The following HLTF variants were observed in gnomAD, a reference collection of about 807,000 sequenced individuals.
HLTF encodes the protein helicase like transcription factor, also known as DNA-dependent ATPase/E3 ubiquitin-protein ligase HLTF.
A neutral mutation model predicts 129.4 loss-of-function variants in HLTF; 127 were observed. The observed-to-expected ratio is 0.98, with a 90% CI of 0.85 to 1.14. HLTF has a LOEUF of 1.14. Ranked by LOEUF, HLTF falls within the 50% of genes most tolerant of loss-of-function variation. The probability of loss-of-function intolerance (pLI) is 0.00; values close to 1 mark genes in which losing one functional copy is unlikely to be tolerated. For synonymous variants in HLTF, 332 were observed against 388.8 expected, an observed-to-expected ratio of 0.85 and a Z score of 1.72; for missense variants, 1,139 against 1,187.1, an observed-to-expected ratio of 0.96 and a Z score of 0.60.
intron 2 of HLTF, chr3:149,083,826 G>A (rs1272233560): frequency 6.6e-6 from 1 of 151,812 alleles, no homozygotes; most frequent in Non-Finnish European, 1.5e-5. Context: ...GGCTGAATTG[G>A]GAGAATTGCT....
At chr3:149,060,963 T>C in intron 10 of HLTF, 105 bp from the exon 11 acceptor site, 2 of 751,834 alleles carry the variant, frequency 2.7e-6, no homozygotes, top group African/African-American at 1.8e-5. Flanking sequence ...CCTACTCATT[T>C]ATTTTTTGAA....
At chr3:149,079,871 G>C (rs190919697) in intron 2 of HLTF, among the ~76,000 whole-genome samples, 3 of 152,050 alleles carry the variant, frequency 2.0e-5, no homozygotes, top group African/African-American at 7.2e-5. Context: ...GATTACAGGC[G>C]TGAGCCACCA....
chr3:149,071,978 A>G (rs1718912142), intron 5 of HLTF, among the ~76,000 whole-genome samples: 1 of 152,132 alleles, frequency 6.6e-6, no homozygotes. Context: ...ACTTCAGCCT[A>G]GTAGGTAGAG....
intron 22 of HLTF, 45 bp from the exon 23 acceptor site, chr3:149,039,274 T>C (rs1306989931): frequency 8.4e-6 from 11 of 1,306,598 alleles, no homozygotes; most frequent in Non-Finnish European, 1.0e-5. Flanking sequence ...ACTATTATTA[T>C]AAAAATAAAA....
At chr3:149,043,544 A>AG (rs1553738372) in intron 18 of HLTF, among the ~76,000 whole-genome samples, 3,277 of 134,976 alleles carry the variant, frequency 0.024, 27 homozygotes, top group South Asian at 0.045. Flanking sequence ...TGAACTTCAG[A>AG]GGGAAAAAAA....
At position 149,032,294 on chromosome 3, in the gene HLTF, CA is replaced by C; in HGVS notation, c.2955del (p.Phe985LeufsTer11). The C allele has an allele frequency of 6.2e-7, 1 of 1,600,462 alleles. No homozygotes were observed. Among genetic ancestry groups the C allele is most frequent in the Non-Finnish European group, 8.5e-7 (1 of 1,173,182 alleles). ...TCGTCAGCATTTGGTTTTTTAGTTC[CA>C]AAGGCTCCTGCTGCAAGTTCTCTCT... is the stretch of plus-strand genomic sequence containing the variant. The part of the protein sequence containing the change: ...NKKRELAAGA[F>X]GTKKPNADEM... On this transcript the variant is annotated frameshift_variant, in exon 25 of 25. Transcript: ENST00000310053. LOFTEE classifies it high-confidence loss of function.
intron 3 of HLTF, among the ~76,000 whole-genome samples, chr3:149,074,832 T>C (rs1228687171): frequency 6.6e-6 from 1 of 152,194 alleles, no homozygotes; most frequent in Non-Finnish European, 1.5e-5. Flanking sequence ...CACCTAGGAT[T>C]ATATGAATAT....
At position 149,039,132 on chromosome 3, in the gene HLTF, G is replaced by A; in HGVS notation, c.2713C>T (p.Pro905Ser). The change falls in exon 23 of 25, where the codon CCA becomes TCA. Residue 905 changes from proline to serine, a missense_variant. Physicochemically the swap from Pro to Ser is moderately conservative, Grantham distance 74. Transcript: ENST00000310053. ...TTTAAGGACAGAAGCATTATAGTTG[G>A]AGATCCTGCTTCAGTGTTTTGAAAA... ...QCFQNTEAGSPTIMLLSLKAG... is the reference protein window; with the variant it reads ...QCFQNTEAGSSTIMLLSLKAG... 1 of 1,612,376 alleles carries A rather than the reference G, an allele frequency of 6.2e-7. No homozygotes were observed. Among genetic ancestry groups the A allele is most frequent in the Non-Finnish European group, 8.5e-7 (1 of 1,179,156 alleles).
chr3:149,040,356 G>T, intron 20 of HLTF, 200 bp from the exon 21 acceptor site: 1 of 482,182 alleles, frequency 2.1e-6, no homozygotes, highest in East Asian at 4.0e-5. Context: ...AACGGATAAA[G>T]GAGGGAGCAA....
intron 13 of HLTF, among the ~76,000 whole-genome samples, chr3:149,057,426 A>AAAACAAAC (rs538092577): frequency 6.6e-6 from 1 of 152,020 alleles, no homozygotes; most frequent in Non-Finnish European, 1.5e-5. Flanking sequence ...ACTCCGTCTC[A>AAAACAAAC]AAACAAACAA....
At chr3:149,070,214 G>A (rs187109097) in intron 7 of HLTF, among the ~76,000 whole-genome samples, 62 of 152,216 alleles carry the variant, frequency 4.1e-4, no homozygotes, top group Admixed American at 3.9e-3. Context: ...TATCTAAAAA[G>A]CTATTACAAT....
At chr3:149,068,972 C>A (rs947667119) in intron 7 of HLTF, among the ~76,000 whole-genome samples, 9 of 152,004 alleles carry the variant, frequency 5.9e-5, no homozygotes, top group African/African-American at 1.7e-4. Flanking sequence ...GAGCCCTTCA[C>A]GAAAATGCAA....
intron 7 of HLTF, among the ~76,000 whole-genome samples, chr3:149,070,467 T>C (rs903509209): frequency 1.1e-4 from 16 of 152,234 alleles, no homozygotes; most frequent in African/African-American, 1.9e-4. Flanking sequence ...AGCAATGAGT[T>C]TGTACTGCTA....
Position 149,048,873 on chromosome 3 carries a change from C to T in HLTF, c.1746G>A (p.Trp582Ter). The T allele has an allele frequency of 1.9e-6, 3 of 1,612,750 alleles. No individual in the cohort carries two copies. Among genetic ancestry groups the T allele is most frequent in the Non-Finnish European group, 2.5e-6 (3 of 1,179,028 alleles). Residue 582 changes from tryptophan (W) to a stop codon, truncating the protein, a stop_gained, in exon 16 of 25, where the codon TGG becomes TGA. Transcript: ENST00000310053. LOFTEE classifies it high-confidence loss of function. ...TAATGCTATGATTACCTGTCAAAAC[C>T]CATCTTCTTTCTGATTCTAAGTCAA... ...AVLDLESERRWVLTGTPIQNS... is the reference protein window; with the variant it reads ...AVLDLESERR
Position 149,048,182 on chromosome 3 carries a change from T to C in HLTF, c.1757-19A>G. ...GGAGTACCTAGAAATAACAGGAAAC[T>C]GTTATAACTCTTTAACCAGAGTATC... On this transcript the variant is annotated intron_variant, in intron 16 of 24. Transcript: ENST00000310053. The C allele has an allele frequency of 6.3e-7, 1 of 1,590,330 alleles. No individual in the cohort carries two copies. Among genetic ancestry groups the C allele is most frequent in the Non-Finnish European group, 8.5e-7 (1 of 1,170,330 alleles).
At chr3:149,064,997 T>C in intron 8 of HLTF, 131 bp from the exon 9 acceptor site, 1 of 482,658 alleles carries the variant, frequency 2.1e-6, no homozygotes, top group Non-Finnish European at 3.6e-6. Flanking sequence ...CTGGAGCAAC[T>C]GAAGGGGAGG....
intron 23 of HLTF, among the ~76,000 whole-genome samples, chr3:149,035,383 C>CTAAA: frequency 6.6e-6 from 1 of 152,050 alleles, no homozygotes; most frequent in East Asian, 1.9e-4. Flanking sequence ...ATTCTTGGGC[C>CTAAA]TATTTAGTTT....
intron 10 of HLTF, among the ~76,000 whole-genome samples, 177 bp downstream of exon 10, chr3:149,063,254 G>A (rs1272907608): frequency 6.6e-6 from 1 of 152,048 alleles, no homozygotes; most frequent in African/African-American, 2.4e-5. Context: ...TAGAGACGGG[G>A]TTTCACTGTG....
chr3:149,056,047 T>C, intron 13 of HLTF, among the ~76,000 whole-genome samples: 1 of 152,332 alleles, frequency 6.6e-6, no homozygotes, highest in African/African-American at 2.4e-5. Context: ...TGAGGTCTGC[T>C]GACAACTATG....
Sources: gnomAD v4.1 joint callset for allele counts (sites outside exome capture counted in the v4.1 genomes callset) on GRCh38, gnomAD v4.1.1 for gene constraint, MANE v1.5 for transcripts, NCBI Gene and HGNC (gene_info 2026-07-23, HGNC 2026-07-21) for gene names.